TXNDC16: variants seen among roughly 807,000 people sequenced by gnomAD.
The protein encoded by TXNDC16 is thioredoxin domain-containing protein 16.
In TXNDC16, 74 loss-of-function variants were observed where a neutral mutation model predicts 85.6. The ratio of observed to expected loss-of-function variants is 0.86; its 90% CI spans 0.72 to 1.05. The LOEUF (loss-of-function observed/expected upper bound fraction) is 1.05, where lower values mean the gene tolerates loss of function less well. TXNDC16 is among the 50% of genes least tolerant of loss of function. The probability of loss-of-function intolerance (pLI) is 0.00; values close to 1 mark genes in which losing one functional copy is unlikely to be tolerated. For missense variants in TXNDC16, 959 were observed against 947.0 expected, an observed-to-expected ratio of 1.01 and a Z score of -0.17; for synonymous variants, 335 against 326.5, an observed-to-expected ratio of 1.03 and a Z score of -0.28.
Position 52,455,388 on chromosome 14 carries a change from G to A in TXNDC16, c.1778C>T (p.Pro593Leu). ...GTCTTGTGCATGTGTGCTAGCTAGT[G>A]GGATGCTCTCTATTTTGCCTTCTGT... ...RHTEGKIESI[P>L]LASTHAQDIV... The change falls in exon 18 of 21, where the codon CCA (proline) becomes CTA (leucine). Residue 593 changes from proline to leucine, a missense_variant. Coordinates refer to ENST00000281741, the MANE Select transcript of TXNDC16 (RefSeq NM_020784.3). 1.2e-6 allele frequency: 2 copies of A among 1,614,010 alleles called. No individual in the cohort carries two copies.
Position 52,470,179 on chromosome 14 carries a change from T to G in TXNDC16, c.1482-6A>C, listed in dbSNP as rs775379532. On this transcript the variant is annotated splice_region_variant and splice_polypyrimidine_tract_variant and intron_variant, in intron 15 of 20. Coordinates refer to ENST00000281741, the MANE Select transcript of TXNDC16 (RefSeq NM_020784.3). ...CTGGATATGAAATCCTGTTGCTGGA[T>G]AAACATATAACTATATTACAAATTA... is the stretch of plus-strand genomic sequence containing the variant. 6.3e-7 allele frequency: 1 copy of G among 1,588,654 alleles called. No individual in the cohort carries two copies. The highest frequency in any genetic ancestry group is 8.6e-7 in the Non-Finnish European group (1 of 1,167,166).
At chr14:52,488,069 T>C (rs769243237) in intron 12 of TXNDC16, among the ~76,000 whole-genome samples, 9 of 152,208 alleles carry the variant, frequency 5.9e-5, no homozygotes, top group Admixed American at 1.3e-4. Context: ...TTTTTAAACA[T>C]GGACTAGTCC....
chr14:52,500,427 G>A (rs368252919), intron 9 of TXNDC16, among the ~76,000 whole-genome samples: 1 of 152,184 alleles, frequency 6.6e-6, no homozygotes, highest in Non-Finnish European at 1.5e-5. Context: ...ATGGAAAGTA[G>A]ACTGGTGGTG....
intron 16 of TXNDC16, 29 bp from the exon 17 acceptor site, chr14:52,457,203 T>G: frequency 7.5e-7 from 1 of 1,335,132 alleles, no homozygotes; most frequent in South Asian, 1.3e-5. Context: ...GACAAAAATC[T>G]GAAACCTTTA....
At chr14:52,541,929 T>C (rs1239362372) in intron 4 of TXNDC16, among the ~76,000 whole-genome samples, 6 of 152,190 alleles carry the variant, frequency 3.9e-5, no homozygotes, top group Non-Finnish European at 8.8e-5. Flanking sequence ...AAGTGAAACA[T>C]AAACAATTAT....
chr14:52,517,724 G>A (rs753963753), intron 7 of TXNDC16, among the ~76,000 whole-genome samples: 1 of 151,982 alleles, frequency 6.6e-6, no homozygotes, highest in Non-Finnish European at 1.5e-5. Flanking sequence ...TCCTGTGTGA[G>A]GCATTTCCCC....
In TXNDC16 at chr14:52,470,056, A is replaced by C. The variant is rs1443502652; in HGVS notation, c.1599T>G (p.Phe533Leu). 1.1e-5 allele frequency: 17 copies of C among 1,610,108 alleles called. No individual in the cohort carries two copies. The highest frequency in any genetic ancestry group is 1.3e-5 in the Non-Finnish European group (15 of 1,178,584). ...LYSSVSVLGL[F>L]SPTMKTAKED... ...GCTTACCTGTTTTCATGGTTGGACT[A>C]AATAGTCCCAATACTGACACACTAG... The change falls in exon 16 of 21, where the codon TTT (phenylalanine) becomes TTG (leucine). Residue 533 changes from phenylalanine to leucine, a missense_variant. By Grantham distance (22) the Phe-to-Leu change is conservative. Transcript: ENST00000281741.
intron 1 of TXNDC16, 110 bp from the exon 2 acceptor site, chr14:52,544,481 T>A (rs1462529598): frequency 6.6e-6 from 1 of 152,084 alleles, no homozygotes; most frequent in African/African-American, 2.4e-5. Flanking sequence ...AGGACCCATC[T>A]CTTTCAAATG....
At chr14:52,463,716 T>C (rs191011039) in intron 16 of TXNDC16, among the ~76,000 whole-genome samples, 1 of 152,324 alleles carries the variant, frequency 6.6e-6, no homozygotes, top group African/African-American at 2.4e-5. Context: ...TCACTACTTA[T>C]AGAGAAACCT....
intron 9 of TXNDC16, among the ~76,000 whole-genome samples, chr14:52,503,342 C>T (rs747373286): frequency 6.6e-6 from 1 of 152,200 alleles, no homozygotes; most frequent in Non-Finnish European, 1.5e-5. Context: ...CAGACTGACA[C>T]CTCACATGGC....
At chr14:52,473,021 G>A (rs989855621) in intron 14 of TXNDC16, among the ~76,000 whole-genome samples, 12 of 152,138 alleles carry the variant, frequency 7.9e-5, no homozygotes, top group Non-Finnish European at 1.3e-4. Context: ...AGATTAAGGT[G>A]GGGCGACCAG....
chr14:52,491,745 C>G (rs950756354), intron 9 of TXNDC16, among the ~76,000 whole-genome samples: 1 of 152,034 alleles, frequency 6.6e-6, no homozygotes, highest in Non-Finnish European at 1.5e-5. Context: ...AAATTAAATA[C>G]ACACATCTAA....
chr14:52,521,306 A>G (rs1271611769), intron 6 of TXNDC16, among the ~76,000 whole-genome samples: 1 of 144,828 alleles, frequency 6.9e-6, no homozygotes, highest in African/African-American at 2.6e-5. Context: ...TATTTTTAGT[A>G]GAGATGGAGT....
chr14:52,539,896 T>C (rs897159458), intron 4 of TXNDC16, among the ~76,000 whole-genome samples: 1 of 152,192 alleles, frequency 6.6e-6, no homozygotes, highest in African/African-American at 2.4e-5. Flanking sequence ...TTTCTAAATA[T>C]CATTGGTTAG....
At position 52,488,433 on chromosome 14, in the gene TXNDC16, A is replaced by G; in HGVS notation, c.1038T>C (p.His346=). 6.2e-7 allele frequency: 1 copy of G among 1,612,434 alleles called. No individual in the cohort carries two copies. Among genetic ancestry groups the G allele is most frequent in the Non-Finnish European group, 8.5e-7 (1 of 1,178,570 alleles). The change falls in exon 12 of 21, where the codon CAT becomes CAC. Residue 346 remains histidine, a synonymous_variant. Coordinates refer to ENST00000281741, the MANE Select transcript of TXNDC16 (RefSeq NM_020784.3). ...CCTCAATGTGCATATTATTTTCCACATGAGATATTATTAAATCAACATCAT... is the reference window on the plus strand; with the variant it reads ...CCTCAATGTGCATATTATTTTCCACGTGAGATATTATTAAATCAACATCAT... ...VLHDVDLIIS[H]VENNMHIEEI...
Position 52,479,266 on chromosome 14 carries a change from C to T in TXNDC16, c.1312+2964G>A, listed in dbSNP as rs1218911116. Among the ~76,000 whole-genome samples the T allele has an allele frequency of 1.3e-5, 2 of 152,052 alleles. 1 individual carries two copies. Among genetic ancestry groups the T allele is most frequent in the Non-Finnish European group, 2.9e-5 (2 of 67,990 alleles). ...TGAGAACTGGAACGAGACAAGGATG[C>T]CCACTCTCACCATTCCTCTTCAACA... On this transcript the variant is annotated intron_variant, in intron 14 of 20. Transcript: ENST00000281741.
At chr14:52,454,741 G>A (rs1010794551) in intron 18 of TXNDC16, among the ~76,000 whole-genome samples, 17 of 151,068 alleles carry the variant, frequency 1.1e-4, no homozygotes, top group African/African-American at 2.2e-4. Flanking sequence ...GCTTGAACCC[G>A]GGAGGCGGAG....
intron 18 of TXNDC16, among the ~76,000 whole-genome samples, chr14:52,446,325 G>A (rs1161776604): frequency 1.3e-5 from 2 of 152,182 alleles, no homozygotes; most frequent in Admixed American, 6.5e-5. Context: ...TTAACAGCAG[G>A]CAAAACCAGA....
chr14:52,523,340 T>C (rs2037255174), intron 6 of TXNDC16, among the ~76,000 whole-genome samples: 1 of 152,154 alleles, frequency 6.6e-6, no homozygotes, highest in Non-Finnish European at 1.5e-5. Flanking sequence ...TGAGTGGGTG[T>C]CAGAAAGAAA....
Sources: allele counts gnomAD v4.1 joint callset (sites outside exome capture counted in the v4.1 genomes callset), GRCh38; gene constraint gnomAD v4.1.1; transcripts MANE v1.5; gene names NCBI Gene and HGNC (gene_info 2026-07-23, HGNC 2026-07-21).